Variants in SPMIP2 observed in about 807,000 individuals in gnomAD.
SPMIP2 encodes sperm microtubule inner protein 2.
At chr4:158,974,392 A>G in the SPMIP2 span, among the ~76,000 whole-genome samples, 149,288 of 152,254 alleles carry the variant, frequency 0.98, 73,250 homozygotes, top group East Asian at 1. Flanking sequence ...ATGTGCCATG[A>G]TGGTTTGCTG....
chr4:158,941,938 T>C, the SPMIP2 span, among the ~76,000 whole-genome samples: 12 of 152,128 alleles, frequency 7.9e-5, no homozygotes, highest in South Asian at 2.1e-4. Flanking sequence ...GAGGAGGTGA[T>C]ACTTGAATCA....
the SPMIP2 span, chr4:158,915,106 C>G: frequency 1.1e-5 from 16 of 1,403,762 alleles, no homozygotes; most frequent in African/African-American, 2.3e-4. Context: ...AAACCTGTCC[C>G]TGATTTATAT....
chr4:158,899,974 G>A, the SPMIP2 span, among the ~76,000 whole-genome samples: 1 of 152,130 alleles, frequency 6.6e-6, no homozygotes, highest in Non-Finnish European at 1.5e-5. Context: ...GCTTTCTCTT[G>A]TGGGCATTTA....
the SPMIP2 span, among the ~76,000 whole-genome samples, chr4:158,950,408 C>A: frequency 6.6e-6 from 1 of 152,148 alleles, no homozygotes; most frequent in African/African-American, 2.4e-5. Flanking sequence ...TAAACCACAG[C>A]CATTTGAGCT....
chr4:158,911,581 G>A, the SPMIP2 span, among the ~76,000 whole-genome samples: 2 of 14,678 alleles, frequency 1.4e-4, no homozygotes, highest in Admixed American at 8.2e-4. Context: ...CAAGTCCCCC[G>A]TTCCTAGCAC....
chr4:158,996,781 T>C, the SPMIP2 span, among the ~76,000 whole-genome samples: 1 of 152,180 alleles, frequency 6.6e-6, no homozygotes, highest in Non-Finnish European at 1.5e-5. Flanking sequence ...GGTGTGTGTA[T>C]GTTTAATCAG....
At chr4:159,002,766 G>GCACACACACACA in the SPMIP2 span, among the ~76,000 whole-genome samples, 336 of 148,186 alleles carry the variant, frequency 2.3e-3, 3 homozygotes, top group Middle Eastern at 0.014. Flanking sequence ...ACATATCACT[G>GCACACACACACA]CACACACACA....
the SPMIP2 span, among the ~76,000 whole-genome samples, chr4:159,066,474 C>T: frequency 6.6e-6 from 1 of 151,812 alleles, no homozygotes; most frequent in African/African-American, 2.4e-5. Context: ...CTTCAAAAAG[C>T]TATGTCCTTA....
At chr4:158,940,711 T>C in the SPMIP2 span, among the ~76,000 whole-genome samples, 1 of 152,234 alleles carries the variant, frequency 6.6e-6, no homozygotes, top group Non-Finnish European at 1.5e-5. Context: ...TTTAAAATAA[T>C]GTAACCAGTT....
the SPMIP2 span, among the ~76,000 whole-genome samples, chr4:158,998,890 G>A: frequency 6.6e-6 from 1 of 152,106 alleles, no homozygotes; most frequent in Admixed American, 6.5e-5. Flanking sequence ...TACCATTGAG[G>A]CCAGGCGTGG....
the SPMIP2 span, chr4:159,038,839 C>A: frequency 6.6e-6 from 1 of 152,188 alleles, no homozygotes; most frequent in Non-Finnish European, 1.5e-5. Flanking sequence ...GGAGAAACAG[C>A]CAATAGCACT....
chr4:158,970,568 TG>T, the SPMIP2 span, among the ~76,000 whole-genome samples: 8 of 151,680 alleles, frequency 5.3e-5, no homozygotes, highest in South Asian at 2.1e-4. Context: ...AAAAAGATTT[TG>T]ATCTGCCTTA....
the SPMIP2 span, among the ~76,000 whole-genome samples, chr4:158,950,392 C>G: frequency 6.6e-6 from 1 of 152,206 alleles, no homozygotes; most frequent in Non-Finnish European, 1.5e-5. Flanking sequence ...TTCAGCTTCT[C>G]AAGCCTAAAC....
the SPMIP2 span, among the ~76,000 whole-genome samples, chr4:158,944,320 A>G: frequency 6.6e-6 from 1 of 151,868 alleles, no homozygotes; most frequent in Non-Finnish European, 1.5e-5. Context: ...TTGGTGAGAC[A>G]GACTGGCTGT....
At chr4:158,992,853 C>T in the SPMIP2 span, among the ~76,000 whole-genome samples, 1 of 152,270 alleles carries the variant, frequency 6.6e-6, no homozygotes, top group South Asian at 2.1e-4. Flanking sequence ...CCCTCATGGC[C>T]TAATCATCTC....
chr4:159,082,725 G>A, the SPMIP2 span, among the ~76,000 whole-genome samples: 16 of 152,062 alleles, frequency 1.1e-4, no homozygotes, highest in Non-Finnish European at 2.1e-4. Flanking sequence ...AACCATTCTG[G>A]TTATATATTG....
chr4:159,080,881 G>A, the SPMIP2 span, among the ~76,000 whole-genome samples: 6 of 151,086 alleles, frequency 4.0e-5, no homozygotes, highest in Admixed American at 3.3e-4. Flanking sequence ...CCACCACCAT[G>A]CCCGGCTAAT....
chr4:158,916,344 G>A, the SPMIP2 span, among the ~76,000 whole-genome samples: 1 of 152,198 alleles, frequency 6.6e-6, no homozygotes, highest in Non-Finnish European at 1.5e-5. Context: ...TTTTCGTGAG[G>A]TTAGACAAGA....
the SPMIP2 span, among the ~76,000 whole-genome samples, chr4:159,020,229 C>A: frequency 6.6e-6 from 1 of 151,984 alleles, no homozygotes; most frequent in Non-Finnish European, 1.5e-5. Flanking sequence ...CCTTTTCATT[C>A]TTCTTCCATC....
Sources: gnomAD v4.1 joint callset for allele counts (sites outside exome capture counted in the v4.1 genomes callset) on GRCh38, gnomAD v4.1.1 for gene constraint, MANE v1.5 for transcripts, NCBI Gene and HGNC (gene_info 2026-07-23, HGNC 2026-07-21) for gene names.